Variants in ZNF536 observed in about 807,000 individuals in gnomAD.
ZNF536 encodes zinc finger protein 536.
A neutral mutation model predicts 84.5 loss-of-function variants in ZNF536; 13 were observed. That is an observed-to-expected ratio of 0.15 (90% confidence interval 0.10 to 0.24). The LOEUF (loss-of-function observed/expected upper bound fraction) is 0.24, where lower values mean the gene tolerates loss of function less well. Among genes scored for constraint, ZNF536 ranks in the 10% least tolerant of loss-of-function variants. The probability of loss-of-function intolerance (pLI) is 1.00; values close to 1 mark genes in which losing one functional copy is unlikely to be tolerated. For synonymous variants in ZNF536, 811 were observed against 742.5 expected (o/e 1.09, Z -1.50); for missense variants, 1,536 against 1,747.5 (o/e 0.88, Z 2.16).
At chr19:30,531,338 G>C (rs544580842) in intron 2 of ZNF536, among the ~76,000 whole-genome samples, 79 of 152,316 alleles carry the variant, frequency 5.2e-4, no homozygotes, top group African/African-American at 1.9e-3. Flanking sequence ...GTGCAGGGCG[G>C]CCGTATCGCT....
chr19:30,348,679 G>A (rs2047827633), intron 2 of ZNF536, among the ~76,000 whole-genome samples: 2 of 152,214 alleles, frequency 1.3e-5, no homozygotes, highest in African/African-American at 4.8e-5. Flanking sequence ...TCTCATGAGG[G>A]ATGCACACAG....
intron 1 of ZNF536, among the ~76,000 whole-genome samples, chr19:30,237,622 C>G (rs2023632603): frequency 6.6e-6 from 1 of 152,124 alleles, no homozygotes; most frequent in Non-Finnish European, 1.5e-5. Context: ...CATGAGGAAA[C>G]TTTGTGTATC....
At chr19:30,709,973 T>A (rs2052397931) in intron 1 of ZNF536, among the ~76,000 whole-genome samples, 2 of 152,128 alleles carry the variant, frequency 1.3e-5, no homozygotes, top group Admixed American at 1.3e-4. Flanking sequence ...TTTTTTAATG[T>A]TTAGGAAAAA....
chr19:30,427,857 G>A (rs2051282412), intron 1 of ZNF536, among the ~76,000 whole-genome samples: 1 of 152,202 alleles, frequency 6.6e-6, no homozygotes, highest in African/African-American at 2.4e-5. Context: ...TGTGACATGA[G>A]ACGATGGAGG....
intron 1 of ZNF536, among the ~76,000 whole-genome samples, chr19:30,429,890 C>T (rs940498434): frequency 1.3e-5 from 2 of 152,074 alleles, no homozygotes; most frequent in African/African-American, 4.8e-5. Context: ...TTAGTTCAAC[C>T]AGAATTTGTA....
chr19:30,636,627 A>G (rs963060944), intron 1 of ZNF536, among the ~76,000 whole-genome samples: 2 of 152,164 alleles, frequency 1.3e-5, no homozygotes, highest in African/African-American at 4.8e-5. Flanking sequence ...GGTGAGATCT[A>G]GGCAAGGTCC....
intron 1 of ZNF536, among the ~76,000 whole-genome samples, chr19:30,640,048 C>G (rs1230348778): frequency 6.6e-6 from 1 of 152,132 alleles, no homozygotes; most frequent in African/African-American, 2.4e-5. Context: ...AGTTTGAGAC[C>G]AGCCTGGCTA....
chr19:30,631,226 C>T (rs1234418828), intron 1 of ZNF536, among the ~76,000 whole-genome samples: 4 of 152,218 alleles, frequency 2.6e-5, no homozygotes, highest in Non-Finnish European at 2.9e-5. Flanking sequence ...AGCCCCACAC[C>T]GGAGCATTCA....
intron 2 of ZNF536, among the ~76,000 whole-genome samples, chr19:30,300,163 C>A (rs1488995880): frequency 1.3e-5 from 2 of 152,102 alleles, no homozygotes; most frequent in Non-Finnish European, 2.9e-5. Context: ...TAAATCTTAC[C>A]ATTGCAGATG....
intron 1 of ZNF536, among the ~76,000 whole-genome samples, chr19:30,627,775 T>C (rs546690997): frequency 6.6e-6 from 1 of 152,296 alleles, no homozygotes; most frequent in South Asian, 2.1e-4. Flanking sequence ...CCTGACATTG[T>C]CCTGCCTCTA....
chr19:30,667,681 C>A (rs1046647400), intron 1 of ZNF536, among the ~76,000 whole-genome samples: 1 of 135,448 alleles, frequency 7.4e-6, no homozygotes, highest in Non-Finnish European at 1.5e-5. Flanking sequence ...TTCAGATTCC[C>A]AGAGTAAATG....
intron 1 of ZNF536, among the ~76,000 whole-genome samples, chr19:30,278,750 C>G (rs1422968142): frequency 6.6e-6 from 1 of 152,146 alleles, no homozygotes; most frequent in Non-Finnish European, 1.5e-5. Context: ...TGCCACTGCT[C>G]TCTCTCCAGC....
intron 1 of ZNF536, among the ~76,000 whole-genome samples, chr19:30,651,875 G>A (rs2049721203): frequency 1.3e-5 from 2 of 152,084 alleles, no homozygotes; most frequent in Non-Finnish European, 1.5e-5. Context: ...CAGAAGCTTT[G>A]TGTGTGTGTG....
chr19:30,238,672 ATCTGTCTG>A (rs947104591), intron 1 of ZNF536, among the ~76,000 whole-genome samples: 5 of 151,210 alleles, frequency 3.3e-5, no homozygotes, highest in African/African-American at 1.2e-4. Flanking sequence ...CTCTCTATCT[ATCTGTCTG>A]TCTGTCTGTC....
intron 1 of ZNF536, among the ~76,000 whole-genome samples, chr19:30,399,865 TG>T (rs748690694): frequency 3.8e-3 from 583 of 152,112 alleles, no homozygotes; most frequent in Non-Finnish European, 4.0e-3. Flanking sequence ...ATTTTGTATT[TG>T]TGGTAGAGAC....
intron 2 of ZNF536, among the ~76,000 whole-genome samples, chr19:30,515,958 C>T (rs1599656303): frequency 7.3e-6 from 1 of 136,522 alleles, no homozygotes; most frequent in Non-Finnish European, 1.5e-5. Flanking sequence ...ACCCAGGAGG[C>T]GGAGGTTGTA....
chr19:30,394,174 T>C (rs556743345), intron 1 of ZNF536, among the ~76,000 whole-genome samples: 39 of 152,110 alleles, frequency 2.6e-4, no homozygotes, highest in African/African-American at 9.4e-4. Flanking sequence ...CCTTGGATGG[T>C]TCCTTAATTG....
At chr19:30,591,763 A>C (rs956899538) in intron 1 of ZNF536, among the ~76,000 whole-genome samples, 4 of 152,166 alleles carry the variant, frequency 2.6e-5, no homozygotes, top group African/African-American at 9.7e-5. Context: ...TCAATTGCCA[A>C]CTATAATTTT....
intron 1 of ZNF536, among the ~76,000 whole-genome samples, chr19:30,430,824 G>A (rs530493873): frequency 3.6e-4 from 55 of 152,128 alleles, no homozygotes; most frequent in Non-Finnish European, 6.3e-4. Context: ...ACAGGCATGC[G>A]CCACCATGCC....
Sources: allele counts gnomAD v4.1 joint callset (sites outside exome capture counted in the v4.1 genomes callset), GRCh38; gene constraint gnomAD v4.1.1; transcripts MANE v1.5; gene names NCBI Gene and HGNC (gene_info 2026-07-23, HGNC 2026-07-21).